Variants in PARP8 observed in about 807,000 individuals in gnomAD.
PARP8 encodes poly(ADP-ribose) polymerase family member 8.
Under a neutral mutation model 124.1 loss-of-function variants are expected in PARP8, and 51 were observed. That is an observed-to-expected ratio of 0.41 (90% CI 0.33 to 0.52). The LOEUF is 0.52. Among genes scored for constraint, PARP8 ranks in the 20% least tolerant of loss-of-function variants. The pLI is 0.21. For synonymous variants in PARP8, 391 were observed against 361.5 expected (o/e 1.08, Z -0.93); for missense variants, 860 against 1,018.9 (o/e 0.84, Z 2.12).
chr5:50,824,812 C>T, intron 17 of PARP8, 96 bp from the exon 18 acceptor site: 1 of 897,708 alleles, frequency 1.1e-6, no homozygotes, highest in Middle Eastern at 2.2e-4. Context: ...TTAAGTCTTA[C>T]TAGATTAGGC....
At chr5:50,830,951 CT>C (rs1376311209) in intron 22 of PARP8, among the ~76,000 whole-genome samples, 1 of 151,946 alleles carries the variant, frequency 6.6e-6, no homozygotes, top group South Asian at 2.1e-4. Flanking sequence ...TTAGAGAGGT[CT>C]GATAACCAGG....
chr5:50,836,688 A>G (rs1397739356), intron 25 of PARP8, among the ~76,000 whole-genome samples: 5 of 152,216 alleles, frequency 3.3e-5, no homozygotes, highest in Admixed American at 3.3e-4. Context: ...CAGTACCTAT[A>G]AAGTTTATTA....
In PARP8 at chr5:50,843,285, A is replaced by T. The variant is rs533278877; in HGVS notation, c.*1217A>T. On this transcript the variant is annotated 3_prime_UTR_variant, in exon 26 of 26. Coordinates refer to ENST00000281631, the MANE Select transcript of PARP8 (RefSeq NM_024615.4). ...TATTTTCCCACATGTTGTCTTTGGA[A>T]TAAGGCCATTCATGAAAGCAGTTTA... 4.0e-5 allele frequency: 6 copies of T among 151,860 alleles called. No individual in the cohort carries two copies. In the South Asian group the frequency reaches 1.2e-3, roughly 31 times the overall value. 9.4% of individuals were successfully genotyped at this position (151,860 alleles called of 1,614,324 possible).
intron 2 of PARP8, among the ~76,000 whole-genome samples, chr5:50,682,564 T>A (rs1246096070): frequency 6.6e-6 from 1 of 151,450 alleles, no homozygotes; most frequent in Non-Finnish European, 1.5e-5. Flanking sequence ...TATTTTAAGT[T>A]AAAAAAAAAT....
At chr5:50,667,613 C>T (rs1176312870) in intron 1 of PARP8, 16 of 698,964 alleles carry the variant, frequency 2.3e-5, no homozygotes, top group Non-Finnish European at 3.9e-5. Flanking sequence ...TAAGCTGCGC[C>T]CGGCGCCGAG....
At chr5:50,799,102 T>C (rs959325961) in intron 14 of PARP8, among the ~76,000 whole-genome samples, 1 of 152,220 alleles carries the variant, frequency 6.6e-6, no homozygotes, top group Non-Finnish European at 1.5e-5. Flanking sequence ...ATTTTTTCTT[T>C]TGTTACTTGT....
At chr5:50,667,673 C>G (rs1353173906) in intron 1 of PARP8, 3 of 699,866 alleles carry the variant, frequency 4.3e-6, no homozygotes, top group Admixed American at 2.0e-5. Context: ...TCGGCTCCCT[C>G]TAGTCCCCTC....
At chr5:50,786,801 A>T (rs1452809157) in intron 9 of PARP8, among the ~76,000 whole-genome samples, 1 of 151,880 alleles carries the variant, frequency 6.6e-6, no homozygotes, top group Non-Finnish European at 1.5e-5. Context: ...TCCTCCACCT[A>T]CATAGACTTA....
chr5:50,747,158 G>GTTT (rs1370932889), intron 2 of PARP8, among the ~76,000 whole-genome samples: 2,473 of 81,454 alleles, frequency 0.03, 61 homozygotes, highest in South Asian at 0.069. Context: ...TTGTTTGTTT[G>GTTT]TTTTGTTTTT....
rs1316993606 is a variant in PARP8 at position 50,773,835 on chromosome 5, T to A, written c.519-4234T>A. Among the ~76,000 whole-genome samples, 550 of 150,744 alleles carry A rather than the reference T, an allele frequency of 3.6e-3. 2 individuals are homozygous for A. Among genetic ancestry groups the A allele is most frequent in the African/African-American group, 0.012 (506 of 41,180 alleles). On this transcript the variant is annotated intron_variant, in intron 7 of 25. Coordinates refer to ENST00000281631, the MANE Select transcript of PARP8 (RefSeq NM_024615.4). ...TCCTGATGAACTTATTTCATTAATT[T>A]TTTTTTTTTTTTTTTAGTATTTATT...
chr5:50,835,027 T>C lies in PARP8; in HGVS notation c.2462+12T>C. On this transcript the variant is annotated intron_variant, in intron 25 of 25. Coordinates refer to ENST00000281631, the MANE Select transcript of PARP8 (RefSeq NM_024615.4). ...CGATTCTTTTTCGTGTAAGTGGAAA[T>C]GCTCAAATTTGTATATTACTGTCTT... 1 of 1,606,928 alleles carries C rather than the reference T, an allele frequency of 6.2e-7. No individual in the cohort carries two copies.
At chr5:50,752,415 C>T (rs1019377911) in intron 3 of PARP8, among the ~76,000 whole-genome samples, 3 of 151,930 alleles carry the variant, frequency 2.0e-5, no homozygotes, top group African/African-American at 7.2e-5. Context: ...ATTATTATCT[C>T]TTCTGTTTTT....
At chr5:50,756,454 G>T (rs533355717) in intron 3 of PARP8, among the ~76,000 whole-genome samples, 5 of 151,898 alleles carry the variant, frequency 3.3e-5, no homozygotes, top group African/African-American at 1.2e-4. Flanking sequence ...AATAATTTGA[G>T]GAAGATTTAG....
At chr5:50,774,427 G>T (rs152102) in intron 7 of PARP8, among the ~76,000 whole-genome samples, 15,982 of 151,896 alleles carry the variant, frequency 0.11, 861 homozygotes, top group South Asian at 0.16. Flanking sequence ...CCAGGCAGAG[G>T]CGCTCCTCAC....
intron 14 of PARP8, among the ~76,000 whole-genome samples, chr5:50,806,696 G>A (rs1743881014): frequency 6.6e-6 from 1 of 152,022 alleles, no homozygotes; most frequent in Non-Finnish European, 1.5e-5. Context: ...CATGTTGAAA[G>A]GAAGAGAGAT....
intron 3 of PARP8, among the ~76,000 whole-genome samples, chr5:50,751,517 G>C (rs1434239108): frequency 1.3e-5 from 2 of 152,060 alleles, no homozygotes; most frequent in East Asian, 3.9e-4. Context: ...GTGCATTCTG[G>C]TTTAAATACC....
intron 14 of PARP8, among the ~76,000 whole-genome samples, chr5:50,801,572 C>T (rs1327994509): frequency 4.6e-5 from 7 of 152,160 alleles, no homozygotes; most frequent in Non-Finnish European, 8.8e-5. Flanking sequence ...TGATGTTGAA[C>T]ATTTGTATCA....
rs144430007 is a variant in PARP8, at chr5:50,797,754, T to A, written c.1575+521T>A. 2.2e-3 allele frequency among the ~76,000 whole-genome samples: 338 copies of A among 152,338 alleles called. 1 individual carries two copies. The highest frequency in any genetic ancestry group is 7.7e-3 in the African/African-American group (321 of 41,592). The stretch of plus-strand genomic sequence containing the variant: ...GAGTATGAAAATAAGAATCAGTGTA[T>A]ACGTGCATTTTGGAGAGAACGATTC... On this transcript the variant is annotated intron_variant, in intron 14 of 25. Coordinates refer to ENST00000281631, the MANE Select transcript of PARP8 (RefSeq NM_024615.4).
intron 10 of PARP8, among the ~76,000 whole-genome samples, chr5:50,790,066 C>T (rs1202069725): frequency 6.6e-6 from 1 of 152,074 alleles, no homozygotes; most frequent in Non-Finnish European, 1.5e-5. Flanking sequence ...GGCAGTACTA[C>T]TCAAATGTGA....
Sources: gnomAD v4.1 joint callset for allele counts (sites outside exome capture counted in the v4.1 genomes callset) on GRCh38, gnomAD v4.1.1 for gene constraint, MANE v1.5 for transcripts, NCBI Gene and HGNC (gene_info 2026-07-23, HGNC 2026-07-21) for gene names.